The following PCYT1B variants were observed in gnomAD, a reference collection of about 807,000 sequenced individuals.
PCYT1B encodes phosphate cytidylyltransferase 1B, choline.
In PCYT1B, 10 loss-of-function variants were observed where a neutral mutation model predicts 26.4. The observed-to-expected ratio is 0.38, with a 90% CI of 0.23 to 0.64. The LOEUF (loss-of-function observed/expected upper bound fraction) is 0.64, where lower values mean the gene tolerates loss of function less well. PCYT1B is among the 30% of genes least tolerant of loss of function. The probability of loss-of-function intolerance (pLI) is 0.56; values close to 1 mark genes in which losing one functional copy is unlikely to be tolerated. For synonymous variants in PCYT1B, 131 were observed against 108.4 expected (o/e 1.21, Z -1.29); for missense variants, 161 against 292.7 (o/e 0.55, Z 3.28).
intron 1 of PCYT1B, among the ~76,000 whole-genome samples, chrX:24,670,815 A>G (rs965675493): frequency 1.8e-5 from 2 of 111,542 alleles, no homozygotes; most frequent in African/African-American, 6.5e-5. Context: ...TAAGTGATAC[A>G]TTTGGGAGAC....
chrX:24,581,299 C>CCTT (rs1388829036), intron 5 of PCYT1B, among the ~76,000 whole-genome samples: 1 of 111,519 alleles, frequency 9.0e-6, no homozygotes, highest in Non-Finnish European at 1.9e-5. Context: ...AGACCCTCTC[C>CCTT]CTTTCACTCC....
At chrX:24,654,271 A>AT (rs1389868105) in intron 1 of PCYT1B, among the ~76,000 whole-genome samples, 1 of 102,415 alleles carries the variant, frequency 9.8e-6, no homozygotes, top group Non-Finnish European at 2.0e-5. Flanking sequence ...CGCTCAGCTA[A>AT]TTTTTTTGTA....
At chrX:24,611,788 A>G (rs1452586186) in intron 2 of PCYT1B, among the ~76,000 whole-genome samples, 1 of 110,589 alleles carries the variant, frequency 9.0e-6, no homozygotes, top group African/African-American at 3.3e-5. Flanking sequence ...CCTGGCCAAC[A>G]TGCTGAAACT....
chrX:24,570,480 T>C (rs1442345601), intron 7 of PCYT1B, among the ~76,000 whole-genome samples: 7 of 109,616 alleles, frequency 6.4e-5, no homozygotes, highest in Non-Finnish European at 1.1e-4. Flanking sequence ...TCTTGAACTC[T>C]TGACCTCAGG....
At position 24,585,781 on chromosome X, in the gene PCYT1B, AT is replaced by A. The variant is rs943503583; in HGVS notation, c.565+1459del. Among the ~76,000 whole-genome samples the A allele has an allele frequency of 3.6e-4, 39 of 108,586 alleles. 1 individual carries two copies. Among genetic ancestry groups the A allele is most frequent in the African/African-American group, 8.4e-4 (25 of 29,903 alleles). The allele number at this position is 108,586 out of a possible 115,157, so 94.3% of individuals were successfully genotyped here. ...CTGAATGATTTCACATGTCAAGTGT[AT>A]TTTTTTTTTCTGTCAGCTGTGGAAA... On this transcript the variant is annotated intron_variant, in intron 5 of 7. Coordinates refer to ENST00000379144, the MANE Select transcript of PCYT1B (RefSeq NM_004845.5).
chrX:24,625,643 C>T (rs376528283), intron 1 of PCYT1B, among the ~76,000 whole-genome samples: 2 of 106,109 alleles, frequency 1.9e-5, no homozygotes, highest in Non-Finnish European at 3.8e-5. Context: ...AAGACAGATA[C>T]GTATGTACTG....
intron 5 of PCYT1B, among the ~76,000 whole-genome samples, chrX:24,582,348 A>C (rs992862675): frequency 1.8e-5 from 2 of 112,449 alleles, no homozygotes; most frequent in African/African-American, 3.2e-5. Context: ...AGTAACTGAA[A>C]GTAGATTTGG....
chrX:24,564,500 C>T (rs1218143844), intron 7 of PCYT1B, among the ~76,000 whole-genome samples: 1 of 109,484 alleles, frequency 9.1e-6, no homozygotes, highest in Non-Finnish European at 1.9e-5. Flanking sequence ...CTACAGGCGC[C>T]CGCCACCCGG....
chrX:24,598,790 A>G (rs1440508217), intron 3 of PCYT1B, among the ~76,000 whole-genome samples: 2 of 111,819 alleles, frequency 1.8e-5, no homozygotes, highest in Non-Finnish European at 3.8e-5. Context: ...TTTGAACTGA[A>G]AATACATTAA....
rs1569234620 is a variant in PCYT1B at position 24,562,419 on chromosome X, C to A, written c.984G>T (p.Arg328=). 8.4e-7 allele frequency: 1 copy of A among 1,192,610 alleles called. No homozygotes were observed. Among genetic ancestry groups the A allele is most frequent in the Non-Finnish European group, 1.1e-6 (1 of 887,119 alleles). The change falls in exon 8 of 8, where the codon CGG becomes CGT. Residue 328 remains arginine, a synonymous_variant. Coordinates refer to ENST00000379144, the MANE Select transcript of PCYT1B (RefSeq NM_004845.5). ...TGGGCGATGGGGAGCGGGAAGGGGA[C>A]CGGCTCCGGGTTGGGCTGCTCACAG... ...QSPVSSPTRS[R]SPSRSPSPTF... is the part of the protein sequence containing the mutation.
chrX:24,634,096 T>C (rs1003411370), intron 1 of PCYT1B, among the ~76,000 whole-genome samples: 2 of 109,971 alleles, frequency 1.8e-5, no homozygotes, highest in African/African-American at 6.6e-5. Flanking sequence ...AAAAAAAAAA[T>C]TTTGTAGAGA....
At chrX:24,588,724 A>G (rs1158553803) in intron 4 of PCYT1B, among the ~76,000 whole-genome samples, 1 of 111,306 alleles carries the variant, frequency 9.0e-6, no homozygotes, top group East Asian at 2.8e-4. Context: ...CTTAGCTTTT[A>G]CCCACTAGAA....
intron 1 of PCYT1B, among the ~76,000 whole-genome samples, chrX:24,646,234 C>G (rs752196186): frequency 1.8e-5 from 2 of 111,219 alleles, no homozygotes; most frequent in East Asian, 5.7e-4. Flanking sequence ...AAGATCATGA[C>G]CAGGGATAGA....
intron 1 of PCYT1B, among the ~76,000 whole-genome samples, chrX:24,624,916 C>T (rs1018786727): frequency 2.7e-5 from 3 of 112,608 alleles, no homozygotes; most frequent in African/African-American, 3.2e-5. Context: ...ATTAAACTCT[C>T]TTTCAATTTC....
At chrX:24,631,834 G>GC (rs1397188313) in intron 1 of PCYT1B, among the ~76,000 whole-genome samples, 1 of 111,067 alleles carries the variant, frequency 9.0e-6, no homozygotes, top group Non-Finnish European at 1.9e-5. Context: ...GCACGGTGGC[G>GC]CATGCCTGTA....
At chrX:24,669,764 G>C (rs1239417624) in intron 1 of PCYT1B, among the ~76,000 whole-genome samples, 3 of 109,050 alleles carry the variant, frequency 2.8e-5, no homozygotes, top group Non-Finnish European at 5.7e-5. Flanking sequence ...ATATAGGCTA[G>C]GGCTCAGTGG....
At chrX:24,647,829 G>A (rs936000935), upstream of PCYT1B, among the ~76,000 whole-genome samples, 1 of 112,573 alleles carries the variant, frequency 8.9e-6, no homozygotes, top group Non-Finnish European at 1.9e-5. Flanking sequence ...AACCCTGGCA[G>A]ATCCCCTCGT....
At chrX:24,665,437 C>T (rs867306911) in intron 1 of PCYT1B, among the ~76,000 whole-genome samples, 3 of 110,366 alleles carry the variant, frequency 2.7e-5, no homozygotes, top group Non-Finnish European at 5.7e-5. Context: ...ATTACAGGCG[C>T]GTGCCACCAC....
chrX:24,629,588 A>AC (rs1925997529), intron 1 of PCYT1B, among the ~76,000 whole-genome samples: 3 of 97,483 alleles, frequency 3.1e-5, no homozygotes, highest in African/African-American at 8.0e-5. Flanking sequence ...AAAAAAAAAA[A>AC]AACAACACGT....
Sources: gnomAD v4.1 joint callset for allele counts (sites outside exome capture counted in the v4.1 genomes callset) on GRCh38, gnomAD v4.1.1 for gene constraint, MANE v1.5 for transcripts, NCBI Gene and HGNC (gene_info 2026-07-23, HGNC 2026-07-21) for gene names.